Variants in MNS1 observed in about 807,000 individuals in gnomAD.
MNS1 encodes the protein meiosis specific nuclear structural 1.
In MNS1, 63 loss-of-function variants were observed where a neutral mutation model predicts 72.0. That is an observed-to-expected ratio of 0.87 (90% CI 0.71 to 1.08). MNS1 has a LOEUF of 1.08. MNS1 is among the 50% of genes least tolerant of loss of function. The pLI is 0.00. For synonymous variants in MNS1, 188 were observed against 172.1 expected, an observed-to-expected ratio of 1.09 and a Z score of -0.72; for missense variants, 604 against 562.4, an observed-to-expected ratio of 1.07 and a Z score of -0.75.
intron 1 of MNS1, among the ~76,000 whole-genome samples, chr15:56,464,683 T>C (rs539832153): frequency 3.9e-5 from 6 of 152,304 alleles, no homozygotes; most frequent in African/African-American, 1.4e-4. Context: ...TTCGCCGCTA[T>C]TTATCAATTC....
chr15:56,447,698 TAC>T (rs1337178625), intron 3 of MNS1: 4 of 152,190 alleles, frequency 2.6e-5, no homozygotes, highest in Non-Finnish European at 4.4e-5. Flanking sequence ...GTTTAAAGGA[TAC>T]AGTTTGATAA....
At chr15:56,432,840 C>G (rs1227550791) in intron 8 of MNS1, among the ~76,000 whole-genome samples, 2 of 152,172 alleles carry the variant, frequency 1.3e-5, no homozygotes, top group Non-Finnish European at 1.5e-5. Flanking sequence ...ATTATTTTGA[C>G]TCCTACTTTG....
At chr15:56,436,794 A>C (rs2050733781) in intron 7 of MNS1, among the ~76,000 whole-genome samples, 1 of 152,192 alleles carries the variant, frequency 6.6e-6, no homozygotes, top group South Asian at 2.1e-4. Flanking sequence ...GATCCAACGG[A>C]AATACTACCA....
Position 56,465,130 on chromosome 15 carries a change from C to A in MNS1, c.-158G>T. 1.1e-6 allele frequency: 1 copy of A among 885,616 alleles called. No individual in the cohort carries two copies. Among genetic ancestry groups the A allele is most frequent in the Non-Finnish European group, 1.7e-6 (1 of 571,970 alleles). 54.9% of individuals were successfully genotyped at this position (885,616 alleles called of 1,614,324 possible). A position where few individuals can be genotyped will look rare whatever the true frequency, so the allele number is the denominator to read the frequency against. ...GTGGAGCTGCGCGCCCTCCGCTCGA[C>A]CAAAAGTGACCCACGCAGAACGTGG... On this transcript the variant is annotated 5_prime_UTR_variant, in exon 1 of 10. Coordinates refer to ENST00000260453, the MANE Select transcript of MNS1 (RefSeq NM_018365.4).
At chr15:56,433,487 C>A (rs1567147071) in intron 8 of MNS1, among the ~76,000 whole-genome samples, 1 of 152,072 alleles carries the variant, frequency 6.6e-6, no homozygotes, top group Non-Finnish European at 1.5e-5. Flanking sequence ...CTTAAGTCTT[C>A]TCTCACCCTA....
chr15:56,442,173 C>T (rs190991195), intron 7 of MNS1, among the ~76,000 whole-genome samples: 4 of 151,898 alleles, frequency 2.6e-5, no homozygotes, highest in Non-Finnish European at 4.4e-5. Context: ...CAAACCAAAA[C>T]CACAATGAGA....
intron 7 of MNS1, among the ~76,000 whole-genome samples, chr15:56,441,774 G>A (rs533668302): frequency 6.6e-6 from 1 of 152,136 alleles, no homozygotes; most frequent in Non-Finnish European, 1.5e-5. Flanking sequence ...CAGCACTTTG[G>A]GAGGCCAAGG....
Position 56,449,605 on chromosome 15 carries a change from G to C in MNS1, c.354-2662C>G, listed in dbSNP as rs74660542. Reference sequence around the variant, plus strand: ...GATCTGATTAAAACAAATTGGGAAGGGCTTCCTCTTTTTCTGTTTTACAGA... The same window carrying C: ...GATCTGATTAAAACAAATTGGGAAGCGCTTCCTCTTTTTCTGTTTTACAGA... On this transcript the variant is annotated intron_variant, in intron 3 of 9. Coordinates refer to ENST00000260453, the MANE Select transcript of MNS1 (RefSeq NM_018365.4). Among the ~76,000 whole-genome samples the C allele has an allele frequency of 1.6e-3, 241 of 152,152 alleles. 2 individuals are homozygous for C. Among genetic ancestry groups the C allele is most frequent in the African/African-American group, 5.3e-3 (221 of 41,532 alleles).
At chr15:56,429,281 A>T in intron 9 of MNS1, 88 bp from the exon 10 acceptor site, 2 of 798,942 alleles carry the variant, frequency 2.5e-6, no homozygotes, top group Non-Finnish European at 4.0e-6. Flanking sequence ...AGATTAGTAA[A>T]GTTATCTCCA....
At chr15:56,452,089 G>C (rs1231600595) in intron 3 of MNS1, among the ~76,000 whole-genome samples, 2 of 152,076 alleles carry the variant, frequency 1.3e-5, no homozygotes, top group African/African-American at 4.8e-5. Flanking sequence ...TGTCTTCCCT[G>C]TCCTATGTTC....
Position 56,446,850 on chromosome 15 carries a change from A to G in MNS1, c.447T>C (p.Tyr149=). 6.2e-7 allele frequency: 1 copy of G among 1,605,024 alleles called. No homozygotes were observed. Among genetic ancestry groups the G allele is most frequent in the South Asian group, 1.1e-5 (1 of 90,670 alleles). Residue 149 remains tyrosine, a synonymous_variant, in exon 4 of 10, where the codon TAT becomes TAC. Transcript: ENST00000260453. ...AQIAEKDAIK[Y]EQMKRDAEIA... ...CCAGAAACATGATTACCATTTGTTCATATTTAATGGCATCCTTTTCAGCAA... is the reference window on the plus strand; with the variant it reads ...CCAGAAACATGATTACCATTTGTTCGTATTTAATGGCATCCTTTTCAGCAA...
intron 3 of MNS1, among the ~76,000 whole-genome samples, chr15:56,455,247 GAAAAAA>G (rs56339584): frequency 2.4e-5 from 2 of 82,892 alleles, no homozygotes; most frequent in Non-Finnish European, 4.7e-5. Context: ...ATCGTCAGGT[GAAAAAA>G]AAAAAAAAAA....
intron 7 of MNS1, among the ~76,000 whole-genome samples, chr15:56,437,456 G>A (rs1259716720): frequency 6.6e-6 from 1 of 152,038 alleles, no homozygotes; most frequent in African/African-American, 2.4e-5. Context: ...GGTGTTGATG[G>A]GACATATCTC....
In MNS1 at chr15:56,443,686, C is replaced by A. The variant is rs777442481; in HGVS notation, c.855G>T (p.Met285Ile). 1.7e-5 allele frequency: 28 copies of A among 1,613,378 alleles called. 1 individual carries two copies. Among genetic ancestry groups the A allele is most frequent in the Admixed American group, 6.7e-5 (4 of 59,990 alleles). The change falls in exon 6 of 10, where the codon ATG (methionine) becomes ATT (isoleucine). Residue 285 changes from methionine (M) to isoleucine (I), a missense_variant. Met to Ile is a conservative substitution (Grantham distance 10, BLOSUM62 1). Transcript: ENST00000260453. ...TCTCCTCATTTTCTTGAACTTTTGC[C>A]ATCCGATCTTCTTCTCTTTGCTGCT... is the stretch of plus-strand genomic sequence containing the variant. ...NMQQQREEDR[M>I]AKVQENEEKR...
At chr15:56,457,813 C>T (rs2050990832) in intron 2 of MNS1, among the ~76,000 whole-genome samples, 1 of 150,102 alleles carries the variant, frequency 6.7e-6, no homozygotes, top group Non-Finnish European at 1.5e-5. Flanking sequence ...GACCCTGTCT[C>T]TTAAAAAAAA....
chr15:56,434,689 C>A (rs1438595894), intron 7 of MNS1, among the ~76,000 whole-genome samples: 1 of 152,078 alleles, frequency 6.6e-6, no homozygotes, highest in African/African-American at 2.4e-5. Flanking sequence ...GTTACAAAAG[C>A]CTTTTTTGCA....
intron 2 of MNS1, among the ~76,000 whole-genome samples, chr15:56,462,861 A>G (rs2051032109): frequency 1.3e-5 from 2 of 152,238 alleles, no homozygotes; most frequent in Non-Finnish European, 2.9e-5. Context: ...TATGTAGGAA[A>G]GAGTTGGTGT....
chr15:56,437,804 C>T (rs1241479635), intron 7 of MNS1, among the ~76,000 whole-genome samples: 2 of 152,144 alleles, frequency 1.3e-5, no homozygotes, highest in Admixed American at 6.5e-5. Flanking sequence ...AAATCACAAG[C>T]ATTCTTATAC....
rs1172853008 is a variant in MNS1 at position 56,431,318 on chromosome 15, T to G, written c.1395+55A>C. 3 of 1,577,164 alleles carry G rather than the reference T, an allele frequency of 1.9e-6. No individual in the cohort carries two copies. The Admixed American group carries it at 5.6e-5, about 29-fold the overall frequency. On this transcript the variant is annotated intron_variant, in intron 9 of 9. Coordinates refer to ENST00000260453, the MANE Select transcript of MNS1 (RefSeq NM_018365.4). ...GGCACTCTAAAATCCAAATACCATGTTTTTTTCACTATTACAGGTCATGAA... is the reference window on the plus strand; with the variant it reads ...GGCACTCTAAAATCCAAATACCATGGTTTTTTCACTATTACAGGTCATGAA...
Sources: allele counts gnomAD v4.1 joint callset (sites outside exome capture counted in the v4.1 genomes callset), GRCh38; gene constraint gnomAD v4.1.1; transcripts MANE v1.5; gene names NCBI Gene and HGNC (gene_info 2026-07-23, HGNC 2026-07-21).